MAP4K5: variants seen among roughly 807,000 people sequenced by gnomAD.
MAP4K5 encodes the protein MAPK/ERK kinase kinase kinase 5.
In MAP4K5, 82 loss-of-function variants were observed where a neutral mutation model predicts 135.6. That is an observed-to-expected ratio of 0.60 (90% CI 0.51 to 0.73). The LOEUF (loss-of-function observed/expected upper bound fraction) is 0.73, where lower values mean the gene tolerates loss of function less well. MAP4K5 is among the 30% of genes least tolerant of loss of function. The pLI is 0.00. For missense variants in MAP4K5, 907 were observed against 1,010.9 expected, an observed-to-expected ratio of 0.90 and a Z score of 1.39; for synonymous variants, 347 against 335.0, an observed-to-expected ratio of 1.04 and a Z score of -0.39.
intron 28 of MAP4K5, among the ~76,000 whole-genome samples, chr14:50,429,689 A>C (rs907159353): frequency 2.6e-5 from 4 of 152,224 alleles, no homozygotes; most frequent in Non-Finnish European, 5.9e-5. Context: ...CCAGTGATTC[A>C]AAAGGGCACA....
intron 2 of MAP4K5, among the ~76,000 whole-genome samples, chr14:50,539,541 C>T (rs956624007): frequency 6.6e-6 from 1 of 152,152 alleles, no homozygotes; most frequent in Non-Finnish European, 1.5e-5. Context: ...AACGTGAGAC[C>T]CAGTTCTGTT....
chr14:50,474,993 T>C, intron 9 of MAP4K5, 84 bp downstream of exon 9: 2 of 1,149,582 alleles, frequency 1.7e-6, no homozygotes, highest in Non-Finnish European at 2.6e-6. Context: ...TTTTAATTAT[T>C]ACTTCTATTA....
intron 1 of MAP4K5, among the ~76,000 whole-genome samples, chr14:50,557,071 T>G (rs530824899): frequency 6.6e-6 from 1 of 152,344 alleles, no homozygotes; most frequent in East Asian, 1.9e-4. Context: ...CTAGACTTTT[T>G]CCCAAAGTAT....
intron 29 of MAP4K5, 89 bp downstream of exon 29, chr14:50,429,103 C>A: frequency 1.3e-6 from 1 of 769,572 alleles, no homozygotes; most frequent in Non-Finnish European, 2.0e-6. Context: ...TTAGTAAAAA[C>A]AGTAAAAATC....
chr14:50,476,234 A>G, intron 7 of MAP4K5, 25 bp downstream of exon 7: 1 of 1,489,768 alleles, frequency 6.7e-7, no homozygotes, highest in Non-Finnish European at 9.0e-7. Flanking sequence ...AGAATTGGCA[A>G]TTTAAATGTA....
At chr14:50,554,221 A>G (rs933927757) in intron 1 of MAP4K5, among the ~76,000 whole-genome samples, 3 of 152,178 alleles carry the variant, frequency 2.0e-5, no homozygotes, top group Non-Finnish European at 4.4e-5. Flanking sequence ...TCATTTGTCA[A>G]CTCAAATTCG....
chr14:50,498,564 T>A (rs2037642201), intron 3 of MAP4K5, among the ~76,000 whole-genome samples: 1 of 152,194 alleles, frequency 6.6e-6, no homozygotes, highest in South Asian at 2.1e-4. Flanking sequence ...TTTTGACTAT[T>A]AGGAAGACCT....
chr14:50,537,178 C>A (rs1248012616), upstream of MAP4K5, among the ~76,000 whole-genome samples: 2 of 152,334 alleles, frequency 1.3e-5, no homozygotes, highest in East Asian at 3.9e-4. Context: ...TGCTTTCCAG[C>A]TGCTCCAGCT....
Position 50,486,151 on chromosome 14 carries a change from T to C in MAP4K5, c.210A>G (p.Lys70=), listed in dbSNP as rs55909118. 1,867 of 1,426,434 alleles carry C rather than the reference T, an allele frequency of 1.3e-3. 24 individuals are homozygous for C. The African/African-American group carries it at 0.025, about 19-fold the overall frequency. The allele number at this position is 1,426,434 out of a possible 1,614,324, so 88.4% of individuals were successfully genotyped here. ...SLIQQEIFMV[K]ECKHCNIVAY... ...CAACGATGTTACAATGTTTACATTCTTTAACCATAAATATTTCTTGTTGAA... is the reference window on the plus strand; with the variant it reads ...CAACGATGTTACAATGTTTACATTCCTTAACCATAAATATTTCTTGTTGAA... Residue 70 remains lysine (K), a synonymous_variant, in exon 4 of 33, where the codon AAA becomes AAG. Transcript: ENST00000682126.
chr14:50,541,985 C>T (rs542938783), intron 2 of MAP4K5, among the ~76,000 whole-genome samples: 75 of 114,192 alleles, frequency 6.6e-4, no homozygotes, highest in African/African-American at 2.1e-3. Context: ...CCAGCCTGGG[C>T]GACAGAGCGA....
chr14:50,523,767 C>A (rs2038201641), intron 2 of MAP4K5, among the ~76,000 whole-genome samples: 1 of 152,182 alleles, frequency 6.6e-6, no homozygotes, highest in Non-Finnish European at 1.5e-5. Context: ...TCTTTGTCCG[C>A]TTTGTTCACT....
At chr14:50,420,599 T>C (rs1421350466) in intron 32 of MAP4K5, among the ~76,000 whole-genome samples, 1 of 152,202 alleles carries the variant, frequency 6.6e-6, no homozygotes, top group Non-Finnish European at 1.5e-5. Context: ...GCCACTGCAC[T>C]TCAGCCTGGG....
chr14:50,514,295 A>G (rs1233214597), intron 2 of MAP4K5, among the ~76,000 whole-genome samples: 1 of 151,582 alleles, frequency 6.6e-6, no homozygotes, highest in African/African-American at 2.4e-5. Context: ...ATTGGCCAGG[A>G]TGGTCTCAAA....
intron 3 of MAP4K5, among the ~76,000 whole-genome samples, chr14:50,497,084 A>C (rs967259723): frequency 6.6e-6 from 1 of 152,258 alleles, no homozygotes; most frequent in African/African-American, 2.4e-5. Flanking sequence ...ATAAATTAGC[A>C]GTACTTTTTC....
At chr14:50,483,725 CA>C (rs59754773) in intron 5 of MAP4K5, among the ~76,000 whole-genome samples, 5,073 of 58,574 alleles carry the variant, frequency 0.087, 212 homozygotes, top group African/African-American at 0.23. Flanking sequence ...TTAAAAGTTG[CA>C]AAAAAAAAAA....
intron 1 of MAP4K5, among the ~76,000 whole-genome samples, chr14:50,554,445 A>G (rs2038740734): frequency 2.6e-5 from 4 of 152,146 alleles, no homozygotes; most frequent in Non-Finnish European, 5.9e-5. Context: ...CCACTCAAGG[A>G]CTTTCATGCA....
chr14:50,441,783 CACACACACACACACAT>C (rs779372375), intron 21 of MAP4K5, among the ~76,000 whole-genome samples: 1,638 of 112,912 alleles, frequency 0.015, 10 homozygotes, highest in Middle Eastern at 0.027. Flanking sequence ...CACACACACA[CACACACACACACACAT>C]ATATATACCC....
chr14:50,460,508 C>A (rs2036689449), intron 13 of MAP4K5, among the ~76,000 whole-genome samples: 1 of 152,130 alleles, frequency 6.6e-6, no homozygotes, highest in Non-Finnish European at 1.5e-5. Flanking sequence ...AGAGTAATAT[C>A]TAATTCTACA....
intron 2 of MAP4K5, among the ~76,000 whole-genome samples, chr14:50,508,433 G>A (rs112627279): frequency 0.041 from 6,306 of 152,136 alleles, 139 homozygotes; most frequent in East Asian, 0.068. Flanking sequence ...GGATGAAGCT[G>A]GAAACCATCA....
Sources: gnomAD v4.1 joint callset for allele counts (sites outside exome capture counted in the v4.1 genomes callset) on GRCh38, gnomAD v4.1.1 for gene constraint, MANE v1.5 for transcripts, NCBI Gene and HGNC (gene_info 2026-07-23, HGNC 2026-07-21) for gene names.